Variants in KCNQ3 observed in about 807,000 individuals in gnomAD.
KCNQ3 encodes the protein potassium voltage-gated channel subfamily Q member 3.
In KCNQ3, 30 loss-of-function variants were observed where a neutral mutation model predicts 92.5. The observed-to-expected ratio is 0.32, with a 90% CI of 0.24 to 0.44. KCNQ3 has a LOEUF of 0.44. Ranked by LOEUF, KCNQ3 falls within the 20% of genes least tolerant of loss-of-function variation. The pLI is 1.00. For missense variants in KCNQ3, 913 were observed against 1,140.3 expected (o/e 0.80, Z 2.87); for synonymous variants, 450 against 468.8 (o/e 0.96, Z 0.52).
At chr8:132,149,412 C>T (rs1825564876) in intron 9 of KCNQ3, among the ~76,000 whole-genome samples, 1 of 152,138 alleles carries the variant, frequency 6.6e-6, no homozygotes, top group Non-Finnish European at 1.5e-5. Context: ...CACTAAGTTC[C>T]GTAACCCCTC....
At chr8:132,327,387 A>G (rs1436578632) in intron 1 of KCNQ3, among the ~76,000 whole-genome samples, 3 of 152,206 alleles carry the variant, frequency 2.0e-5, no homozygotes, top group African/African-American at 7.2e-5. Flanking sequence ...ACAGATGAAG[A>G]AACCGAGGCT....
intron 1 of KCNQ3, among the ~76,000 whole-genome samples, chr8:132,324,323 T>C (rs958348338): frequency 6.6e-6 from 1 of 152,200 alleles, no homozygotes; most frequent in African/African-American, 2.4e-5. Context: ...ACTATAGAAT[T>C]ATTGAGACCA....
chr8:132,416,140 T>C lies in KCNQ3; in HGVS notation c.386+64007A>G, dbSNP rs1317430884. ...GTCTTGAGGCACTCACGTTTGTTGT[T>C]GTTGTTTTTATTTTGATGTTTGTAA... On this transcript the variant is annotated intron_variant, in intron 1 of 14. Transcript: ENST00000388996. Among the ~76,000 whole-genome samples the C allele has an allele frequency of 1.6e-4, 24 of 152,242 alleles. 1 individual carries two copies. The highest frequency in any genetic ancestry group is 1.6e-3 in the Admixed American group (24 of 15,278).
intron 7 of KCNQ3, among the ~76,000 whole-genome samples, chr8:132,171,706 G>A (rs1826356990): frequency 6.6e-6 from 1 of 152,182 alleles, no homozygotes; most frequent in Non-Finnish European, 1.5e-5. Context: ...ATGTGACAGA[G>A]ACTGTTCTCC....
At chr8:132,333,122 C>T (rs1431179581) in intron 1 of KCNQ3, among the ~76,000 whole-genome samples, 1 of 152,102 alleles carries the variant, frequency 6.6e-6, no homozygotes, top group African/African-American at 2.4e-5. Flanking sequence ...TGGCATTCAT[C>T]CTCAGTGCTA....
chr8:132,249,002 G>C (rs1815292277), intron 1 of KCNQ3, among the ~76,000 whole-genome samples: 1 of 152,174 alleles, frequency 6.6e-6, no homozygotes, highest in Admixed American at 6.5e-5. Flanking sequence ...TGTGTCCGGA[G>C]TTTGTTCCTT....
chr8:132,446,346 G>A (rs146582500), intron 1 of KCNQ3, among the ~76,000 whole-genome samples: 148 of 152,290 alleles, frequency 9.7e-4, no homozygotes, highest in African/African-American at 3.5e-3. Context: ...CCACACATTA[G>A]CTTGACCTGA....
At chr8:132,230,471 GAGA>G (rs942748804) in intron 1 of KCNQ3, among the ~76,000 whole-genome samples, 2 of 149,764 alleles carry the variant, frequency 1.3e-5, no homozygotes, top group African/African-American at 5.0e-5. Context: ...GAGAGAGAGA[GAGA>G]GAGAGAGAAA....
At chr8:132,406,351 G>A (rs1383003700) in intron 1 of KCNQ3, among the ~76,000 whole-genome samples, 1 of 152,096 alleles carries the variant, frequency 6.6e-6, no homozygotes, top group African/African-American at 2.4e-5. Flanking sequence ...GGAGAACTTC[G>A]ACATTTCAAC....
chr8:132,172,401 C>T (rs1468808014), intron 7 of KCNQ3, among the ~76,000 whole-genome samples, 197 bp downstream of exon 7: 2 of 129,534 alleles, frequency 1.5e-5, no homozygotes, highest in African/African-American at 7.0e-5. Context: ...CATTAATACA[C>T]ACACACACAC....
rs369119849 is a variant in KCNQ3 at position 132,259,457 on chromosome 8, G to A, written c.387-73276C>T. 4.9e-3 allele frequency among the ~76,000 whole-genome samples: 743 copies of A among 152,168 alleles called. 6 individuals are homozygous for A. Among genetic ancestry groups the A allele is most frequent in the African/African-American group, 0.017 (719 of 41,562 alleles). ...ACTGACAAAACATACCACTTTTCAT[G>A]AGAAAAATACTCAACAAATTAGAAA... On this transcript the variant is annotated intron_variant, in intron 1 of 14. Coordinates refer to ENST00000388996, the MANE Select transcript of KCNQ3 (RefSeq NM_004519.4).
At chr8:132,235,732 A>T (rs1458450550) in intron 1 of KCNQ3, among the ~76,000 whole-genome samples, 1 of 152,100 alleles carries the variant, frequency 6.6e-6, no homozygotes, top group African/African-American at 2.4e-5. Context: ...CCTTTACTCC[A>T]CTTTGTGTCT....
chr8:132,418,299 C>A (rs1820874787), intron 1 of KCNQ3, among the ~76,000 whole-genome samples: 1 of 152,156 alleles, frequency 6.6e-6, no homozygotes, highest in Admixed American at 6.5e-5. Flanking sequence ...TGTGACAGAG[C>A]TGAGGAAACA....
chr8:132,252,771 G>A (rs146306658), intron 1 of KCNQ3, among the ~76,000 whole-genome samples: 222 of 152,238 alleles, frequency 1.5e-3, no homozygotes, highest in Non-Finnish European at 2.7e-3. Flanking sequence ...GACACAGAGC[G>A]CTGATTGGTG....
chr8:132,183,058 G>A (rs562578886), intron 3 of KCNQ3, among the ~76,000 whole-genome samples: 1 of 152,272 alleles, frequency 6.6e-6, no homozygotes, highest in South Asian at 2.1e-4. Context: ...CAGAAGCCTG[G>A]CACCTGGGAC....
chr8:132,364,640 A>G (rs1819261658), intron 1 of KCNQ3, among the ~76,000 whole-genome samples: 1 of 152,116 alleles, frequency 6.6e-6, no homozygotes, highest in Admixed American at 6.5e-5. Context: ...AATTTTATAC[A>G]GTATTTAACA....
At chr8:132,395,405 G>A (rs1820167320) in intron 1 of KCNQ3, among the ~76,000 whole-genome samples, 1 of 152,140 alleles carries the variant, frequency 6.6e-6, no homozygotes, top group Admixed American at 6.5e-5. Context: ...TGCTCTAATA[G>A]AAGTATCAGG....
intron 1 of KCNQ3, among the ~76,000 whole-genome samples, chr8:132,392,862 T>G (rs941914883): frequency 6.7e-6 from 1 of 148,576 alleles, no homozygotes; most frequent in Non-Finnish European, 1.5e-5. Flanking sequence ...TCTTACCATA[T>G]CATATTTTAG....
At chr8:132,353,446 G>C (rs978367561) in intron 1 of KCNQ3, among the ~76,000 whole-genome samples, 2 of 152,156 alleles carry the variant, frequency 1.3e-5, no homozygotes, top group Non-Finnish European at 2.9e-5. Flanking sequence ...ACAAATGTCT[G>C]TTCAAACTTT....
Sources: allele counts gnomAD v4.1 joint callset (sites outside exome capture counted in the v4.1 genomes callset), GRCh38; gene constraint gnomAD v4.1.1; transcripts MANE v1.5; gene names NCBI Gene and HGNC (gene_info 2026-07-23, HGNC 2026-07-21).